The following SLC68A1 variants were observed in gnomAD, a reference collection of about 807,000 sequenced individuals.
SLC68A1 encodes the protein solute carrier family 68 member 1.
the SLC68A1 span, chr10:102,468,686 C>T: frequency 0.038 from 7,507 of 198,038 alleles, 605 homozygotes; most frequent in African/African-American, 0.17. Flanking sequence ...AAAAAGACAT[C>T]GAGCATCCAG....
chr10:102,471,231 T>A, the SLC68A1 span: 1 of 1,607,388 alleles, frequency 6.2e-7, no homozygotes, highest in African/African-American at 1.3e-5. Flanking sequence ...GGGATAACTC[T>A]GGCCAGCCCC....
the SLC68A1 span, chr10:102,469,240 G>T: frequency 2.2e-5 from 35 of 1,604,874 alleles, no homozygotes; most frequent in South Asian, 3.5e-4. Flanking sequence ...AGGGGGTGGG[G>T]TGGAGACTAG....
chr10:102,473,642 C>G, the SLC68A1 span: 3 of 1,613,988 alleles, frequency 1.9e-6, no homozygotes, highest in South Asian at 2.2e-5. Context: ...GGCGTCTACG[C>G]GGTGGTGCGG....
chr10:102,472,340 G>A, the SLC68A1 span: 1 of 263,662 alleles, frequency 3.8e-6, no homozygotes, highest in Non-Finnish European at 7.4e-6. Context: ...TAGGCTCACT[G>A]CAACCTCTGC....
chr10:102,474,137 A>C, the SLC68A1 span: 1 of 950,622 alleles, frequency 1.1e-6, no homozygotes, highest in Non-Finnish European at 1.5e-6. Context: ...TCCCCTCAAC[A>C]TGGCTAGAGT....
the SLC68A1 span, among the ~76,000 whole-genome samples, chr10:102,474,439 G>T: frequency 6.6e-6 from 1 of 152,152 alleles, no homozygotes; most frequent in Admixed American, 6.5e-5. Context: ...ATCAGGGAAG[G>T]CCTCTCCGAG....
At chr10:102,467,936 C>T in the SLC68A1 span, among the ~76,000 whole-genome samples, 6 of 152,132 alleles carry the variant, frequency 3.9e-5, no homozygotes, top group South Asian at 2.1e-4. Flanking sequence ...TTATTACAGG[C>T]GTGAGCCACG....
At chr10:102,470,716 C>A in the SLC68A1 span, 2 of 1,613,128 alleles carry the variant, frequency 1.2e-6, no homozygotes, top group Non-Finnish European at 1.7e-6. Context: ...GGGTGCAGGC[C>A]CTGGGCTGGC....
At chr10:102,475,298 CAAA>C in the SLC68A1 span, among the ~76,000 whole-genome samples, 1 of 146,102 alleles carries the variant, frequency 6.8e-6, no homozygotes, top group Non-Finnish European at 1.5e-5. Context: ...TCCCTCTTTC[CAAA>C]AAAAAAAAAG....
the SLC68A1 span, among the ~76,000 whole-genome samples, chr10:102,475,543 G>A: frequency 2.0e-5 from 3 of 152,160 alleles, no homozygotes; most frequent in Admixed American, 6.6e-5. Context: ...TTATTGGGTG[G>A]ATGGTGGTGC....
chr10:102,471,073 G>A, the SLC68A1 span: 47 of 1,613,894 alleles, frequency 2.9e-5, no homozygotes, highest in Middle Eastern at 3.3e-4. Flanking sequence ...GGGTTGAGGC[G>A]GCCCGAAAGG....
chr10:102,476,077 T>G, the SLC68A1 span: 1 of 912,266 alleles, frequency 1.1e-6, no homozygotes, highest in Non-Finnish European at 1.4e-6. Flanking sequence ...ATTTCATAGT[T>G]TTTTTTTTTT....
the SLC68A1 span, among the ~76,000 whole-genome samples, chr10:102,475,555 C>T: frequency 9.9e-5 from 15 of 152,072 alleles, no homozygotes; most frequent in Non-Finnish European, 2.2e-4. Flanking sequence ...TGGTGGTGCC[C>T]GTCACTGAGA....
chr10:102,472,696 C>T, the SLC68A1 span: 1 of 687,334 alleles, frequency 1.5e-6, no homozygotes, highest in Non-Finnish European at 2.6e-6. Flanking sequence ...TGTGTTCTGG[C>T]ATGTTCTGTG....
the SLC68A1 span, among the ~76,000 whole-genome samples, chr10:102,462,982 G>A: frequency 2.6e-5 from 4 of 152,160 alleles, no homozygotes; most frequent in Non-Finnish European, 5.9e-5. Context: ...ACAGAGCTAG[G>A]AGGGGCACAG....
chr10:102,473,670 G>A, the SLC68A1 span: 1 of 1,614,146 alleles, frequency 6.2e-7, no homozygotes, highest in East Asian at 2.2e-5. Context: ...TCCTGCTCAA[G>A]CTGGGACTTA....
the SLC68A1 span, among the ~76,000 whole-genome samples, chr10:102,475,000 A>T: frequency 6.9e-5 from 10 of 144,238 alleles, no homozygotes; most frequent in East Asian, 1.9e-3. Context: ...TTTTAACAAA[A>T]TTCACTCTGG....
the SLC68A1 span, among the ~76,000 whole-genome samples, chr10:102,463,442 A>T: frequency 1.3e-5 from 2 of 152,200 alleles, no homozygotes; most frequent in African/African-American, 4.8e-5. Context: ...AAGTGCTGGG[A>T]TTACAGGCGT....
At chr10:102,472,314 G>T in the SLC68A1 span, 1 of 296,074 alleles carries the variant, frequency 3.4e-6, no homozygotes, top group Non-Finnish European at 6.6e-6. Context: ...CCAGGCTGGA[G>T]TGTAGTGGCA....
Sources: gnomAD v4.1 joint callset for allele counts (sites outside exome capture counted in the v4.1 genomes callset) on GRCh38, gnomAD v4.1.1 for gene constraint, MANE v1.5 for transcripts, NCBI Gene and HGNC (gene_info 2026-07-23, HGNC 2026-07-21) for gene names.